The following DOCK3 variants were observed in gnomAD, a reference collection of about 807,000 sequenced individuals.
DOCK3 encodes dedicator of cytokinesis 3.
Under a neutral mutation model 265.6 loss-of-function variants are expected in DOCK3, and 60 were observed. The observed-to-expected ratio is 0.23, with a 90% CI of 0.18 to 0.28. The LOEUF is 0.28. DOCK3 is among the 10% of genes least tolerant of loss of function. The pLI, the probability that DOCK3 is intolerant of heterozygous loss-of-function variation, is 1.00. For synonymous variants in DOCK3, 881 were observed against 938.0 expected (o/e 0.94, Z 1.11); for missense variants, 1,981 against 2,594.3 (o/e 0.76, Z 5.14).
At chr3:50,811,881 G>C (rs1266385114) in intron 2 of DOCK3, among the ~76,000 whole-genome samples, 1 of 152,208 alleles carries the variant, frequency 6.6e-6, no homozygotes, top group Non-Finnish European at 1.5e-5. Context: ...TAAAAAAGTA[G>C]TTAACTGCTA....
At chr3:51,222,746 G>C (rs537362509) in intron 14 of DOCK3, among the ~76,000 whole-genome samples, 12 of 152,208 alleles carry the variant, frequency 7.9e-5, no homozygotes, top group African/African-American at 2.9e-4. Context: ...AATTTTCTCA[G>C]CTAGATGATC....
chr3:51,227,841 C>A (rs896081431), intron 16 of DOCK3, 141 bp from the exon 17 acceptor site: 16 of 818,704 alleles, frequency 2.0e-5, no homozygotes, highest in Non-Finnish European at 3.2e-5. Flanking sequence ...GCACATTTCT[C>A]ATCATTCCTG....
intron 6 of DOCK3, among the ~76,000 whole-genome samples, chr3:51,074,462 C>T (rs1181504237): frequency 2.0e-5 from 3 of 152,176 alleles, no homozygotes; most frequent in Non-Finnish European, 1.5e-5. Flanking sequence ...CTTACTGCCC[C>T]AAAGATCCTC....
intron 5 of DOCK3, among the ~76,000 whole-genome samples, chr3:51,038,048 C>G (rs1231663665): frequency 6.6e-6 from 1 of 152,100 alleles, no homozygotes; most frequent in Non-Finnish European, 1.5e-5. Flanking sequence ...CAAATCACTC[C>G]CCCAAATTGC....
chr3:51,263,333 G>C (rs1415796952), intron 23 of DOCK3, among the ~76,000 whole-genome samples: 1 of 152,156 alleles, frequency 6.6e-6, no homozygotes, highest in African/African-American at 2.4e-5. Flanking sequence ...CTTCATAAGT[G>C]AAGGAGAAAT....
intron 1 of DOCK3, among the ~76,000 whole-genome samples, chr3:50,760,125 T>C (rs2040435253): frequency 6.6e-6 from 1 of 152,156 alleles, no homozygotes; most frequent in African/African-American, 2.4e-5. Flanking sequence ...AGTTTTACAG[T>C]TATAGCTTTT....
intron 9 of DOCK3, among the ~76,000 whole-genome samples, chr3:51,121,276 G>A (rs2084004677): frequency 6.6e-6 from 1 of 152,174 alleles, no homozygotes; most frequent in Admixed American, 6.5e-5. Flanking sequence ...CTTTCGGGGT[G>A]AGGCGATGCC....
intron 5 of DOCK3, among the ~76,000 whole-genome samples, chr3:51,032,979 T>A (rs2080115017): frequency 6.6e-6 from 1 of 152,204 alleles, no homozygotes; most frequent in South Asian, 2.1e-4. Context: ...CTCTTCTGTA[T>A]CAGCCATTTA....
intron 1 of DOCK3, among the ~76,000 whole-genome samples, chr3:50,681,697 A>G (rs1469666336): frequency 6.6e-6 from 1 of 152,240 alleles, no homozygotes; most frequent in African/African-American, 2.4e-5. Flanking sequence ...TATGTTGGGA[A>G]ATGTCATTCA....
intron 1 of DOCK3, among the ~76,000 whole-genome samples, chr3:50,763,590 C>T (rs1399690504): frequency 6.6e-6 from 1 of 152,058 alleles, no homozygotes; most frequent in Admixed American, 6.6e-5. Flanking sequence ...GCCTCTATTT[C>T]TTCTTGAGTC....
intron 12 of DOCK3, among the ~76,000 whole-genome samples, chr3:51,173,707 A>G (rs1159099632): frequency 6.6e-6 from 1 of 152,152 alleles, no homozygotes; most frequent in Non-Finnish European, 1.5e-5. Context: ...ATTCCCTTGT[A>G]TGGGACAAGT....
chr3:50,723,458 G>A (rs911188536), intron 1 of DOCK3, among the ~76,000 whole-genome samples: 1 of 152,044 alleles, frequency 6.6e-6, no homozygotes, highest in African/African-American at 2.4e-5. Flanking sequence ...ATCACTTGAG[G>A]TCAGGAGTTT....
Position 51,350,397 on chromosome 3 carries a change from G to C in DOCK3, c.4107+5G>C. The C allele has an allele frequency of 6.2e-7, 1 of 1,608,986 alleles. No homozygotes were observed. Among genetic ancestry groups the C allele is most frequent in the Non-Finnish European group, 8.5e-7 (1 of 1,178,598 alleles). On this transcript the variant is annotated splice_donor_5th_base_variant and intron_variant, in intron 40 of 52. Coordinates refer to ENST00000266037, the MANE Select transcript of DOCK3 (RefSeq NM_004947.5). ...AAGTTTCCTTTCTTTCTTCGGGTGAGTCCATTCAGATGGTCACAAGAACTT... is the reference window on the plus strand; with the variant it reads ...AAGTTTCCTTTCTTTCTTCGGGTGACTCCATTCAGATGGTCACAAGAACTT...
intron 32 of DOCK3, among the ~76,000 whole-genome samples, chr3:51,318,035 T>G (rs2083469865): frequency 6.6e-6 from 1 of 152,228 alleles, no homozygotes; most frequent in African/African-American, 2.4e-5. Context: ...AGCATGTCGA[T>G]ATCTATAACA....
At chr3:50,968,807 C>T (rs983395787) in intron 5 of DOCK3, among the ~76,000 whole-genome samples, 3 of 152,330 alleles carry the variant, frequency 2.0e-5, no homozygotes, top group Non-Finnish European at 4.4e-5. Flanking sequence ...GCCTCGGCCT[C>T]CCAAAGTCCT....
At chr3:51,143,970 A>G (rs761366182) in intron 9 of DOCK3, among the ~76,000 whole-genome samples, 1 of 152,186 alleles carries the variant, frequency 6.6e-6, no homozygotes, top group Non-Finnish European at 1.5e-5. Context: ...TTCATTTTTC[A>G]CTGAGTTGTC....
At chr3:50,683,296 T>G (rs1007155277) in intron 1 of DOCK3, among the ~76,000 whole-genome samples, 1 of 152,260 alleles carries the variant, frequency 6.6e-6, no homozygotes, top group African/African-American at 2.4e-5. Flanking sequence ...ACACTGTATT[T>G]AGCTCATGAG....
At chr3:51,255,750 G>A (rs2079510696) in intron 22 of DOCK3, among the ~76,000 whole-genome samples, 1 of 152,152 alleles carries the variant, frequency 6.6e-6, no homozygotes, top group South Asian at 2.1e-4. Flanking sequence ...GTGTTTTCTA[G>A]TTAGCCATTT....
At chr3:50,804,955 T>A (rs2043325731) in intron 2 of DOCK3, among the ~76,000 whole-genome samples, 1 of 152,242 alleles carries the variant, frequency 6.6e-6, no homozygotes, top group South Asian at 2.1e-4. Flanking sequence ...TGTCTTCTCT[T>A]GTATGGCACT....
Sources: gnomAD v4.1 joint callset for allele counts (sites outside exome capture counted in the v4.1 genomes callset) on GRCh38, gnomAD v4.1.1 for gene constraint, MANE v1.5 for transcripts, NCBI Gene and HGNC (gene_info 2026-07-23, HGNC 2026-07-21) for gene names.